The following MAPK10 variants were observed in gnomAD, a reference collection of about 807,000 sequenced individuals.
MAPK10 encodes mitogen-activated protein kinase 10.
A neutral mutation model predicts 59.3 loss-of-function variants in MAPK10; 25 were observed. The observed-to-expected ratio is 0.42, with a 90% confidence interval of 0.31 to 0.59. The LOEUF (loss-of-function observed/expected upper bound fraction) is 0.59. MAPK10 is among the 20% of genes least tolerant of loss of function. The probability of loss-of-function intolerance (pLI) is 0.15; values close to 1 mark genes in which losing one functional copy is unlikely to be tolerated. For missense variants in MAPK10, 351 were observed against 568.9 expected, an observed-to-expected ratio of 0.62 and a Z score of 3.90; for synonymous variants, 190 against 200.5, an observed-to-expected ratio of 0.95 and a Z score of 0.44.
intron 9 of MAPK10, chr4:86,080,781 T>A (rs1170693978): frequency 6.6e-6 from 1 of 151,986 alleles, no homozygotes; most frequent in Non-Finnish European, 1.5e-5. Flanking sequence ...TAAATGAACA[T>A]GTGCCAAGAT....
intron 1 of MAPK10, among the ~76,000 whole-genome samples, chr4:86,571,120 G>T: frequency 6.6e-6 from 1 of 150,444 alleles, no homozygotes; most frequent in South Asian, 2.1e-4. Context: ...TATCTCTGTG[G>T]GCCTGTCCTG....
At chr4:86,548,830 A>G (rs1424122846) in intron 1 of MAPK10, among the ~76,000 whole-genome samples, 1 of 152,190 alleles carries the variant, frequency 6.6e-6, no homozygotes, top group African/African-American at 2.4e-5. Context: ...GACAGCTTAG[A>G]AGGACATCTC....
intron 4 of MAPK10, among the ~76,000 whole-genome samples, chr4:86,115,608 T>C (rs2058182756): frequency 1.3e-5 from 2 of 152,118 alleles, no homozygotes; most frequent in Admixed American, 6.5e-5. Context: ...ATTACAGTCA[T>C]GCGCCACCAC....
intron 4 of MAPK10, among the ~76,000 whole-genome samples, chr4:86,116,819 A>G (rs148687197): frequency 3.9e-5 from 6 of 152,356 alleles, no homozygotes; most frequent in African/African-American, 1.4e-4. Context: ...AAGGAGTAAA[A>G]GAGTTAATAA....
intron 3 of MAPK10, among the ~76,000 whole-genome samples, chr4:86,173,095 T>C (rs2074757521): frequency 6.6e-6 from 1 of 150,652 alleles, no homozygotes; most frequent in African/African-American, 2.5e-5. Context: ...ATTGACATTC[T>C]TCACAGAATT....
intron 3 of MAPK10, among the ~76,000 whole-genome samples, chr4:86,183,772 C>G (rs2077482962): frequency 6.6e-6 from 1 of 152,166 alleles, no homozygotes; most frequent in African/African-American, 2.4e-5. Context: ...TAAAAGTGTT[C>G]CTATTTCTCC....
chr4:86,304,614 G>A (rs975142522), intron 2 of MAPK10, among the ~76,000 whole-genome samples: 1 of 151,342 alleles, frequency 6.6e-6, no homozygotes, highest in Non-Finnish European at 1.5e-5. Context: ...AGATGGTCTC[G>A]ATCTCCTGAC....
chr4:86,472,657 A>C (rs1033922562), intron 1 of MAPK10, among the ~76,000 whole-genome samples: 1 of 152,166 alleles, frequency 6.6e-6, no homozygotes, highest in East Asian at 1.9e-4. Flanking sequence ...TCTCCAAAAA[A>C]AAAAAGTTGC....
intron 1 of MAPK10, among the ~76,000 whole-genome samples, chr4:86,501,108 C>T (rs1405217017): frequency 4.5e-5 from 4 of 89,282 alleles, no homozygotes; most frequent in East Asian, 3.3e-4. Context: ...AAACTCTCTA[C>T]GATCTGAAAA....
intron 9 of MAPK10, among the ~76,000 whole-genome samples, chr4:86,090,095 A>G (rs1237519516): frequency 6.6e-6 from 1 of 152,140 alleles, no homozygotes; most frequent in East Asian, 1.9e-4. Flanking sequence ...CAGAGCGCAC[A>G]GAGGGAGGGG....
At chr4:86,173,809 G>C (rs563294887) in intron 3 of MAPK10, among the ~76,000 whole-genome samples, 6 of 152,040 alleles carry the variant, frequency 3.9e-5, no homozygotes, top group Non-Finnish European at 8.8e-5. Context: ...ATCAAAAGTG[G>C]CCAAAGGACA....
intron 1 of MAPK10, among the ~76,000 whole-genome samples, chr4:86,577,068 C>T (rs1217915205): frequency 2.0e-5 from 3 of 152,102 alleles, no homozygotes; most frequent in African/African-American, 7.2e-5. Flanking sequence ...CTTTGGGATG[C>T]CGAGGTGGGA....
intron 1 of MAPK10, among the ~76,000 whole-genome samples, chr4:86,592,536 T>C (rs910340911): frequency 6.6e-6 from 1 of 152,246 alleles, no homozygotes; most frequent in African/African-American, 2.4e-5. Context: ...ACATGAACTT[T>C]CTTTCAGAGG....
At chr4:86,223,233 G>C (rs1276044563) in intron 2 of MAPK10, among the ~76,000 whole-genome samples, 1 of 152,116 alleles carries the variant, frequency 6.6e-6, no homozygotes, top group Non-Finnish European at 1.5e-5. Flanking sequence ...TACAACAGAA[G>C]CCTCTAGAAT....
intron 1 of MAPK10, among the ~76,000 whole-genome samples, chr4:86,516,909 CTTTT>C (rs1756712037): frequency 6.6e-6 from 1 of 152,116 alleles, no homozygotes; most frequent in Non-Finnish European, 1.5e-5. Flanking sequence ...TTATTTCTTT[CTTTT>C]GTCTGATTGC....
intron 1 of MAPK10, among the ~76,000 whole-genome samples, chr4:86,372,569 AAAAG>A (rs1372655031): frequency 3.3e-5 from 2 of 59,996 alleles, no homozygotes; most frequent in African/African-American, 1.5e-4. Flanking sequence ...AGAAAGAAAG[AAAAG>A]AAAAGAAAAG....
intron 2 of MAPK10, among the ~76,000 whole-genome samples, chr4:86,258,701 T>C (rs189520876): frequency 6.6e-6 from 1 of 152,178 alleles, no homozygotes; most frequent in East Asian, 1.9e-4. Context: ...TTTCAATTCA[T>C]ATCTTACCTA....
intron 4 of MAPK10, among the ~76,000 whole-genome samples, chr4:86,118,619 T>C (rs762830689): frequency 9.3e-5 from 14 of 150,256 alleles, no homozygotes; most frequent in Non-Finnish European, 1.6e-4. Context: ...CACACACATC[T>C]CTGAAGGCAA....
chr4:86,104,571 T>A (rs2056199958), intron 5 of MAPK10, among the ~76,000 whole-genome samples: 1 of 152,028 alleles, frequency 6.6e-6, no homozygotes, highest in South Asian at 2.1e-4. Flanking sequence ...TGCTATTTGT[T>A]CAAACAAAAA....
Sources: allele counts gnomAD v4.1 joint callset (sites outside exome capture counted in the v4.1 genomes callset), GRCh38; gene constraint gnomAD v4.1.1; transcripts MANE v1.5; gene names NCBI Gene and HGNC (gene_info 2026-07-23, HGNC 2026-07-21).